TTLL11: variants seen among roughly 807,000 people sequenced by gnomAD.
TTLL11 encodes tubulin tyrosine ligase like 11, also known as tubulin polyglutamylase TTLL11.
A neutral mutation model predicts 51.7 loss-of-function variants in TTLL11; 42 were observed. The observed-to-expected ratio is 0.81, with a 90% confidence interval of 0.64 to 1.05. The LOEUF (loss-of-function observed/expected upper bound fraction) is 1.05. Among genes scored for constraint, TTLL11 ranks in the 50% least tolerant of loss-of-function variants. The probability of loss-of-function intolerance (pLI) is 0.00; values close to 1 mark genes in which losing one functional copy is unlikely to be tolerated. For synonymous variants in TTLL11, 381 were observed against 383.5 expected (o/e 0.99, Z 0.08); for missense variants, 799 against 940.4 (o/e 0.85, Z 1.97).
At chr9:122,022,310 A>T (rs10985493) in intron 3 of TTLL11, among the ~76,000 whole-genome samples, 2 of 152,064 alleles carry the variant, frequency 1.3e-5, no homozygotes, top group African/African-American at 4.8e-5. Flanking sequence ...TGAGAAATAT[A>T]AAAGAAAATT....
chr9:121,840,529 G>A (rs1459295365), intron 8 of TTLL11, among the ~76,000 whole-genome samples: 1 of 152,182 alleles, frequency 6.6e-6, no homozygotes, highest in Non-Finnish European at 1.5e-5. Context: ...CCAGGTAGCT[G>A]GGATTATATG....
At chr9:122,089,179 G>A (rs923304006) in intron 1 of TTLL11, among the ~76,000 whole-genome samples, 9 of 152,072 alleles carry the variant, frequency 5.9e-5, no homozygotes, top group African/African-American at 1.7e-4. Flanking sequence ...CTCTCACTCT[G>A]GTTGGTGTTC....
chr9:121,909,725 T>G (rs1323980342), intron 6 of TTLL11, among the ~76,000 whole-genome samples: 1 of 152,112 alleles, frequency 6.6e-6, no homozygotes, highest in Non-Finnish European at 1.5e-5. Context: ...GACAGCTCAC[T>G]CAGTGCAAGG....
intron 6 of TTLL11, among the ~76,000 whole-genome samples, chr9:121,891,589 T>G (rs1014321644): frequency 1.3e-5 from 2 of 152,238 alleles, no homozygotes; most frequent in African/African-American, 4.8e-5. Flanking sequence ...TTTGGCAGCA[T>G]GCTCACTGAG....
At chr9:122,043,897 G>A (rs1844920564) in intron 1 of TTLL11, among the ~76,000 whole-genome samples, 1 of 151,936 alleles carries the variant, frequency 6.6e-6, no homozygotes, top group Non-Finnish European at 1.5e-5. Flanking sequence ...TAGGGTACAT[G>A]TGCACAACGT....
intron 6 of TTLL11, among the ~76,000 whole-genome samples, chr9:121,934,692 A>C (rs1276245222): frequency 1.3e-5 from 2 of 152,232 alleles, no homozygotes; most frequent in African/African-American, 2.4e-5. Flanking sequence ...GGGCTCACTC[A>C]GCTTGCAACC....
chr9:122,000,379 G>A (rs1843423930), intron 3 of TTLL11, among the ~76,000 whole-genome samples: 1 of 149,780 alleles, frequency 6.7e-6, no homozygotes, highest in African/African-American at 2.5e-5. Context: ...GGCTGAGGCA[G>A]GAGAATGGTG....
rs1839193466 is a variant in TTLL11, at chr9:121,890,653, T to C, written c.1482-19905A>G. On this transcript the variant is annotated intron_variant, in intron 6 of 8. Transcript: ENST00000321582. This position sits in a 1 kb window ranked among gnomAD's most constrained non-coding sequence, Gnocchi z 4.3. ...TTTGTTTATTTTCCATCTCCTGTCC[T>C]CTCATCCTCCACCTCCCATCAATAA... is the stretch of plus-strand genomic sequence containing the variant. Among the ~76,000 whole-genome samples the C allele has an allele frequency of 6.6e-6, 1 of 152,214 alleles. No homozygotes were observed. The highest frequency in any genetic ancestry group is 2.1e-4 in the South Asian group (1 of 4,822).
Position 121,822,024 on chromosome 9 carries a change from C to G in TTLL11, c.*563G>C, listed in dbSNP as rs958570408. 1.3e-5 allele frequency: 2 copies of G among 152,206 alleles called. No homozygotes were observed. The highest frequency in any genetic ancestry group is 3.8e-4 in the East Asian group (2 of 5,200). The allele number at this position is 152,206 out of a possible 1,614,324, so 9.4% of individuals were successfully genotyped here. A position where few individuals can be genotyped will look rare whatever the true frequency, so the allele number is the denominator to read the frequency against. ...ACAAACCAAATATTGCAGCAACAGGCAAGCTAATGAACTAAATGAGGTTAA... is the reference window on the plus strand; with the variant it reads ...ACAAACCAAATATTGCAGCAACAGGGAAGCTAATGAACTAAATGAGGTTAA... On this transcript the variant is annotated 3_prime_UTR_variant, in exon 9 of 9. Transcript: ENST00000321582. The surrounding 1 kb of genome is among the most constrained non-coding windows in gnomAD (Gnocchi z 5.8).
At chr9:121,962,791 T>C (rs1424033712) in intron 6 of TTLL11, among the ~76,000 whole-genome samples, 1 of 152,248 alleles carries the variant, frequency 6.6e-6, no homozygotes, top group African/African-American at 2.4e-5. Flanking sequence ...GTGAACATTA[T>C]TGAAAATAAA....
rs1033389759 is a variant in TTLL11, at chr9:122,037,925, C to T, written c.559+1347G>A. ...GGCATAACTACCACCCCCTGTATAA[C>T]GTATGGCTATTGTGTTTTCTGCAAT... On this transcript the variant is annotated intron_variant, in intron 2 of 8. Coordinates refer to ENST00000321582, the MANE Select transcript of TTLL11 (RefSeq NM_001139442.2). Among the ~76,000 whole-genome samples the T allele has an allele frequency of 3.3e-5, 5 of 152,206 alleles. No individual in the cohort carries two copies. In the East Asian group the frequency reaches 5.8e-4, roughly 18 times the overall value.
chr9:121,875,724 A>T (rs1838540316), intron 6 of TTLL11, among the ~76,000 whole-genome samples: 1 of 152,216 alleles, frequency 6.6e-6, no homozygotes, highest in Non-Finnish European at 1.5e-5. Context: ...TAGCATTTTA[A>T]TGGAAATGTC....
At chr9:121,916,291 TTAC>T (rs1349552923) in intron 6 of TTLL11, among the ~76,000 whole-genome samples, 1 of 152,136 alleles carries the variant, frequency 6.6e-6, no homozygotes, top group Non-Finnish European at 1.5e-5. Context: ...TTTGTAAAAA[TTAC>T]TACAACATAA....
rs923657208 is a variant in TTLL11 at position 121,816,008 on chromosome 9, T to C, written c.*6579A>G. ...ACCCTTCCTTTTCTCGACAGACATG[T>C]ATTAAGACACTTCCCAGGTGCCAAG... On this transcript the variant is annotated 3_prime_UTR_variant, in exon 9 of 9. Transcript: ENST00000321582. The C allele has an allele frequency of 1.3e-5, 2 of 152,068 alleles. No individual in the cohort carries two copies. Among genetic ancestry groups the C allele is most frequent in the Admixed American group, 1.3e-4 (2 of 15,266 alleles). The allele number at this position is 152,068 out of a possible 1,614,324, so 9.4% of individuals were successfully genotyped here.
chr9:121,897,618 G>GCACACACACACACACACACACACACA (rs745877337), intron 6 of TTLL11, among the ~76,000 whole-genome samples: 118 of 136,994 alleles, frequency 8.6e-4, no homozygotes, highest in East Asian at 2.7e-3. Flanking sequence ...TTCCCTCCAG[G>GCACACACACACACACACACACACACA]CACACACACA....
intron 6 of TTLL11, among the ~76,000 whole-genome samples, chr9:121,948,372 T>C (rs937023584): frequency 1.3e-5 from 2 of 152,166 alleles, no homozygotes; most frequent in Admixed American, 6.5e-5. Flanking sequence ...ACCATGAACC[T>C]CAATATCACA....
At chr9:121,881,932 T>G (rs1388174894) in intron 6 of TTLL11, among the ~76,000 whole-genome samples, 1 of 152,206 alleles carries the variant, frequency 6.6e-6, no homozygotes, top group East Asian at 1.9e-4. Context: ...ATCCTGCCCC[T>G]GTTCCCAACT....
intron 3 of TTLL11, among the ~76,000 whole-genome samples, chr9:122,026,832 C>G (rs370039002): frequency 2.9e-4 from 44 of 150,148 alleles, no homozygotes; most frequent in African/African-American, 1.1e-3. Flanking sequence ...ACATCACTTT[C>G]ATGGTGTTCT....
rs963777648 is a variant in TTLL11, at chr9:121,929,048, G to A, written c.1481+44961C>T. 7.2e-5 allele frequency among the ~76,000 whole-genome samples: 11 copies of A among 152,066 alleles called. 1 individual carries two copies. The highest frequency in any genetic ancestry group is 5.2e-4 in the Admixed American group (8 of 15,276). The stretch of plus-strand genomic sequence containing the variant: ...TCAGAGACAACCTTTGTGATTTTAC[G>A]TAGATCATGTAGTTTCAGACAACAT... On this transcript the variant is annotated intron_variant, in intron 6 of 8. Transcript: ENST00000321582.
Sources: allele counts gnomAD v4.1 joint callset (sites outside exome capture counted in the v4.1 genomes callset), GRCh38; gene constraint gnomAD v4.1.1; non-coding constraint Gnocchi (gnomAD v3.1); transcripts MANE v1.5; gene names NCBI Gene and HGNC (gene_info 2026-07-23, HGNC 2026-07-21).